Variants in NFIA observed in about 807,000 individuals in gnomAD.
NFIA encodes the protein nuclear factor I A.
NFIA carries 8 observed loss-of-function variants against 62.8 expected under a neutral mutation model. The observed-to-expected ratio is 0.13, with a 90% CI of 0.07 to 0.23. NFIA has a LOEUF of 0.23. Ranked by LOEUF, NFIA falls within the 10% of genes least tolerant of loss-of-function variation. NFIA has a pLI of 1.00. For synonymous variants in NFIA, 235 were observed against 238.1 expected (o/e 0.99, Z 0.12); for missense variants, 410 against 642.1 (o/e 0.64, Z 3.91).
chr1:61,398,837 A>G (rs1665413017), intron 7 of NFIA, among the ~76,000 whole-genome samples: 1 of 152,216 alleles, frequency 6.6e-6, no homozygotes, highest in Non-Finnish European at 1.5e-5. Flanking sequence ...GCTATGGACC[A>G]TTAAGATAGA....
chr1:61,247,139 G>A (rs1045781104), intron 2 of NFIA, among the ~76,000 whole-genome samples: 1 of 152,180 alleles, frequency 6.6e-6, no homozygotes, highest in Non-Finnish European at 1.5e-5. Context: ...AGAGCTAGAT[G>A]GGGTAGAAAT....
chr1:61,372,213 C>T (rs144315270), intron 6 of NFIA, among the ~76,000 whole-genome samples: 32 of 152,190 alleles, frequency 2.1e-4, no homozygotes, highest in Non-Finnish European at 3.7e-4. Context: ...GATCAAGTTT[C>T]ACCCAACTTG....
rs766946798 is a variant in NFIA at position 61,265,260 on chromosome 1, C to T, written c.560-12260C>T. Among the ~76,000 whole-genome samples, 41 of 152,102 alleles carry T rather than the reference C, an allele frequency of 2.7e-4. 1 individual carries two copies. Among genetic ancestry groups the T allele is most frequent in the Admixed American group, 1.9e-3 (29 of 15,282 alleles). The stretch of plus-strand genomic sequence containing the variant: ...ACATCCAAAGCACTCGAGATTAGCA[C>T]CATGTGAAGAAATTTTAAAATATTG... On this transcript the variant is annotated intron_variant, in intron 2 of 10. Transcript: ENST00000403491.
chr1:61,368,135 A>G (rs889885108), intron 6 of NFIA, among the ~76,000 whole-genome samples: 2 of 152,244 alleles, frequency 1.3e-5, no homozygotes, highest in South Asian at 2.1e-4. Context: ...TGAATAAATA[A>G]ATTACCCAAA....
intron 5 of NFIA, among the ~76,000 whole-genome samples, chr1:61,356,748 C>T (rs1203643351): frequency 6.6e-6 from 1 of 152,212 alleles, no homozygotes; most frequent in African/African-American, 2.4e-5. Flanking sequence ...CCTTTGAGTA[C>T]TAAGCTAGCA....
chr1:61,321,207 G>C (rs990408624), intron 3 of NFIA, among the ~76,000 whole-genome samples: 4 of 152,044 alleles, frequency 2.6e-5, no homozygotes. Context: ...AAAATTCTCT[G>C]TTTTTTAAAA....
intron 2 of NFIA, among the ~76,000 whole-genome samples, chr1:61,252,111 T>C (rs1656079255): frequency 6.6e-6 from 1 of 152,192 alleles, no homozygotes; most frequent in African/African-American, 2.4e-5. Flanking sequence ...AAACATCAAT[T>C]CCTACTCACA....
At chr1:61,329,256 C>A (rs762981855) in intron 3 of NFIA, among the ~76,000 whole-genome samples, 11 of 150,132 alleles carry the variant, frequency 7.3e-5, no homozygotes, top group Non-Finnish European at 1.2e-4. Context: ...CCGTATTAGC[C>A]AGGATGGTCT....
intron 2 of NFIA, among the ~76,000 whole-genome samples, chr1:61,218,016 C>T (rs1328148335): frequency 6.6e-6 from 1 of 152,136 alleles, no homozygotes; most frequent in East Asian, 1.9e-4. Context: ...ATGTTGATTT[C>T]CTTCTTGTTC....
intron 6 of NFIA, among the ~76,000 whole-genome samples, chr1:61,368,958 G>A (rs1297427542): frequency 6.6e-6 from 1 of 152,160 alleles, no homozygotes; most frequent in African/African-American, 2.4e-5. Context: ...GGTTAAATAA[G>A]TACCCAATGG....
rs763309319 is a variant in NFIA at position 61,313,696 on chromosome 1, GA to G, written c.626-18807del. Among the ~76,000 whole-genome samples, 6 of 151,120 alleles carry G rather than the reference GA, an allele frequency of 4.0e-5. No individual in the cohort carries two copies. The East Asian group carries it at 5.8e-4, about 15-fold the overall frequency. ...ATCTACTGAGTCCATCATTTGGTGA[GA>G]AAAAAAAATCTATGGTACTTAGATG... On this transcript the variant is annotated intron_variant, in intron 3 of 10. Transcript: ENST00000403491.
intron 3 of NFIA, among the ~76,000 whole-genome samples, chr1:61,279,293 A>G (rs1657994776): frequency 6.6e-6 from 1 of 152,068 alleles, no homozygotes; most frequent in Admixed American, 6.5e-5. Flanking sequence ...ATTTGATTAC[A>G]TTGCTGGATT....
At chr1:61,254,656 G>A (rs1656261984) in intron 2 of NFIA, among the ~76,000 whole-genome samples, 1 of 152,196 alleles carries the variant, frequency 6.6e-6, no homozygotes, top group South Asian at 2.1e-4. Context: ...ATGGAAAGAA[G>A]TCTCAGAGCA....
At chr1:61,275,186 T>C (rs1240702846) in intron 2 of NFIA, among the ~76,000 whole-genome samples, 1 of 152,206 alleles carries the variant, frequency 6.6e-6, no homozygotes. Context: ...GCAGACCAAC[T>C]CTGAGCATTT....
chr1:61,167,539 G>A (rs1484770626), intron 2 of NFIA, among the ~76,000 whole-genome samples: 1 of 152,082 alleles, frequency 6.6e-6, no homozygotes, highest in Non-Finnish European at 1.5e-5. Flanking sequence ...TGTTTCTGCT[G>A]GGTTGCATCA....
intron 2 of NFIA, among the ~76,000 whole-genome samples, chr1:61,142,272 T>C (rs1647591966): frequency 1.3e-5 from 2 of 152,190 alleles, no homozygotes; most frequent in Admixed American, 1.3e-4. Context: ...AAGTTGTTTA[T>C]TATGGCTCAA....
chr1:61,291,352 A>G (rs2243874), intron 3 of NFIA, among the ~76,000 whole-genome samples: 110,884 of 152,086 alleles, frequency 0.73, 41,509 homozygotes, highest in East Asian at 0.89. Context: ...CTAGGAAAGC[A>G]TAACTTTGAA....
At chr1:61,430,246 G>T (rs1317237182) in intron 10 of NFIA, among the ~76,000 whole-genome samples, 1 of 152,182 alleles carries the variant, frequency 6.6e-6, no homozygotes, top group Non-Finnish European at 1.5e-5. Flanking sequence ...ATCATGCCCA[G>T]CACATAGTGG....
chr1:61,399,190 G>A (rs1172911256), intron 7 of NFIA, among the ~76,000 whole-genome samples: 1 of 152,144 alleles, frequency 6.6e-6, no homozygotes, highest in Non-Finnish European at 1.5e-5. Context: ...AAACTGTTTG[G>A]AATCTCACCT....
Sources: allele counts gnomAD v4.1 joint callset (sites outside exome capture counted in the v4.1 genomes callset), GRCh38; gene constraint gnomAD v4.1.1; transcripts MANE v1.5; gene names NCBI Gene and HGNC (gene_info 2026-07-23, HGNC 2026-07-21).